The following GRIK2 variants were observed in gnomAD, a reference collection of about 807,000 sequenced individuals.
GRIK2 encodes the protein glutamate ionotropic receptor kainate type subunit 2, also known as glutamate receptor ionotropic, kainate 2.
GRIK2 carries 32 observed loss-of-function variants against 100.3 expected under a neutral mutation model. The observed-to-expected ratio is 0.32, with a 90% CI of 0.24 to 0.43. The LOEUF (loss-of-function observed/expected upper bound fraction) is 0.43, where lower values mean the gene tolerates loss of function less well. Among genes scored for constraint, GRIK2 ranks in the 20% least tolerant of loss-of-function variants. The pLI is 1.00. For synonymous variants in GRIK2, 417 were observed against 389.4 expected (o/e 1.07, Z -0.83); for missense variants, 843 against 1,114.9 (o/e 0.76, Z 3.47).
chr6:101,603,742 A>G (rs1319899796), intron 2 of GRIK2, among the ~76,000 whole-genome samples: 2 of 151,694 alleles, frequency 1.3e-5, no homozygotes, highest in Non-Finnish European at 3.0e-5. Flanking sequence ...CAGAAGCACA[A>G]TTTATAGGTT....
At chr6:101,956,800 T>TATAA (rs1791966002) in intron 14 of GRIK2, among the ~76,000 whole-genome samples, 1 of 148,036 alleles carries the variant, frequency 6.8e-6, no homozygotes, top group Admixed American at 6.8e-5. Context: ...TTCTTATATA[T>TATAA]ATCAATAAAA....
At chr6:101,895,394 G>A (rs1271758097) in intron 12 of GRIK2, among the ~76,000 whole-genome samples, 2 of 151,656 alleles carry the variant, frequency 1.3e-5, no homozygotes, top group African/African-American at 4.8e-5. Context: ...CACCAACACT[G>A]TCTTAACTTT....
At chr6:101,632,028 G>T (rs916388072) in intron 4 of GRIK2, among the ~76,000 whole-genome samples, 1 of 152,014 alleles carries the variant, frequency 6.6e-6, no homozygotes, top group Non-Finnish European at 1.5e-5. Flanking sequence ...TTTAGTTGTT[G>T]AAAATAATCT....
At chr6:101,491,170 A>G (rs553922893) in intron 2 of GRIK2, among the ~76,000 whole-genome samples, 3 of 151,844 alleles carry the variant, frequency 2.0e-5, no homozygotes, top group Admixed American at 6.6e-5. Context: ...CAAGTGGCTA[A>G]TATGAATGAA....
intron 14 of GRIK2, among the ~76,000 whole-genome samples, chr6:102,023,887 A>G (rs571039610): frequency 2.0e-5 from 3 of 151,546 alleles, no homozygotes; most frequent in East Asian, 2.0e-4. Flanking sequence ...TCATCTGAAC[A>G]TGGTATAATA....
intron 4 of GRIK2, among the ~76,000 whole-genome samples, chr6:101,637,413 C>A (rs1290941995): frequency 5.3e-5 from 8 of 152,114 alleles, no homozygotes; most frequent in Non-Finnish European, 1.0e-4. Flanking sequence ...TATTGGGTTG[C>A]CCACATCAGA....
intron 10 of GRIK2, among the ~76,000 whole-genome samples, chr6:101,821,942 G>A (rs901642701): frequency 6.6e-6 from 1 of 151,944 alleles, no homozygotes; most frequent in East Asian, 1.9e-4. Flanking sequence ...GTTAACTTGT[G>A]CTTCTTGTTC....
At chr6:101,798,937 T>C (rs893434966) in intron 7 of GRIK2, among the ~76,000 whole-genome samples, 5 of 152,152 alleles carry the variant, frequency 3.3e-5, no homozygotes, top group African/African-American at 9.7e-5. Context: ...ATATTTGTTT[T>C]ACCTGAGAAG....
chr6:101,699,731 A>G (rs1772749245), intron 7 of GRIK2, among the ~76,000 whole-genome samples: 1 of 152,160 alleles, frequency 6.6e-6, no homozygotes, highest in Non-Finnish European at 1.5e-5. Flanking sequence ...CAATTTAAGA[A>G]ACAGAGGAGA....
At chr6:101,578,368 A>G (rs1777887283) in intron 2 of GRIK2, among the ~76,000 whole-genome samples, 1 of 152,180 alleles carries the variant, frequency 6.6e-6, no homozygotes, top group African/African-American at 2.4e-5. Context: ...GAAAATTGGA[A>G]GAACAAAATA....
intron 4 of GRIK2, among the ~76,000 whole-genome samples, chr6:101,672,287 G>A (rs1421692059): frequency 6.6e-6 from 1 of 152,002 alleles, no homozygotes; most frequent in Non-Finnish European, 1.5e-5. Flanking sequence ...AGCAACCCTT[G>A]ACATGGCTGA....
At chr6:101,910,691 C>A (rs1317683175) in intron 12 of GRIK2, among the ~76,000 whole-genome samples, 2 of 151,140 alleles carry the variant, frequency 1.3e-5, no homozygotes, top group African/African-American at 4.8e-5. Flanking sequence ...AATAATAGAT[C>A]TGCCTTTTAA....
intron 4 of GRIK2, among the ~76,000 whole-genome samples, chr6:101,656,352 T>C (rs2852558): frequency 0.21 from 31,551 of 147,490 alleles, 3,456 homozygotes; most frequent in Middle Eastern, 0.34. Flanking sequence ...AAGAAAGGCA[T>C]AAGAGAAAAA....
chr6:101,949,606 G>T (rs1467161116), intron 14 of GRIK2, among the ~76,000 whole-genome samples: 2 of 152,090 alleles, frequency 1.3e-5, no homozygotes, highest in Non-Finnish European at 2.9e-5. Context: ...AGAATGTGTG[G>T]TGTTTGGTTT....
intron 2 of GRIK2, among the ~76,000 whole-genome samples, chr6:101,617,416 T>C (rs1282507179): frequency 6.6e-6 from 1 of 151,860 alleles, no homozygotes; most frequent in Non-Finnish European, 1.5e-5. Flanking sequence ...TCTCATGTTA[T>C]TGCATGTAGT....
intron 7 of GRIK2, among the ~76,000 whole-genome samples, chr6:101,734,698 G>A (rs954180038): frequency 6.6e-6 from 1 of 152,160 alleles, no homozygotes. Flanking sequence ...GGCCCTGAAG[G>A]ACACATTAAA....
At chr6:101,973,168 C>T (rs531084032) in intron 14 of GRIK2, among the ~76,000 whole-genome samples, 45 of 151,842 alleles carry the variant, frequency 3.0e-4, no homozygotes, top group Middle Eastern at 6.8e-3. Context: ...AAAACTTCAG[C>T]GGCTGAAAAA....
chr6:101,871,481 C>T (rs1176602697), intron 11 of GRIK2, among the ~76,000 whole-genome samples: 1 of 150,868 alleles, frequency 6.6e-6, no homozygotes, highest in African/African-American at 2.5e-5. Flanking sequence ...TCCCATAACC[C>T]CGATAGTGAG....
At chr6:101,835,923 T>C (rs996681178) in intron 10 of GRIK2, among the ~76,000 whole-genome samples, 1 of 136,806 alleles carries the variant, frequency 7.3e-6, no homozygotes, top group Admixed American at 7.6e-5. Flanking sequence ...ACAGCCCCAT[T>C]TCCTGGATCT....
Sources: allele counts gnomAD v4.1 joint callset (sites outside exome capture counted in the v4.1 genomes callset), GRCh38; gene constraint gnomAD v4.1.1; transcripts MANE v1.5; gene names NCBI Gene and HGNC (gene_info 2026-07-23, HGNC 2026-07-21).